CHST3: variants seen among roughly 807,000 people sequenced by gnomAD.
CHST3 encodes C6ST-1.
A neutral mutation model predicts 35.4 loss-of-function variants in CHST3; 20 were observed. The ratio of observed to expected loss-of-function variants is 0.57; its 90% CI spans 0.40 to 0.82. CHST3 has a LOEUF of 0.82. CHST3 is among the 40% of genes least tolerant of loss of function. CHST3 has a pLI of 0.00. For synonymous variants in CHST3, 334 were observed against 295.9 expected, an observed-to-expected ratio of 1.13 and a Z score of -1.32; for missense variants, 693 against 670.1, an observed-to-expected ratio of 1.03 and a Z score of -0.38.
intron 1 of CHST3, among the ~76,000 whole-genome samples, chr10:71,986,723 G>GTT (rs1839850529): frequency 1.3e-5 from 2 of 152,012 alleles, no homozygotes; most frequent in Admixed American, 1.3e-4. Flanking sequence ...CCTGGGGCTG[G>GTT]TTCTATAAGA....
At position 72,011,261 on chromosome 10, in the gene CHST3, A is replaced by T. The variant is rs1216770188; in HGVS notation, c.*2790A>T. 1 of 152,170 alleles carries T rather than the reference A, an allele frequency of 6.6e-6. No individual in the cohort carries two copies. The highest frequency in any genetic ancestry group is 1.5e-5 in the Non-Finnish European group (1 of 68,042). The allele number at this position is 152,170 out of a possible 1,614,324, so 9.4% of individuals were successfully genotyped here. A position where few individuals can be genotyped will look rare whatever the true frequency, so the allele number is the denominator to read the frequency against. On this transcript the variant is annotated 3_prime_UTR_variant, in exon 3 of 3. Transcript: ENST00000373115. ...TTGGTTTCTCTCTTGTTGATCTGAG[A>T]TGCTACATCAGGGCCCTTGCTGCTG...
At position 72,001,978 on chromosome 10, in the gene CHST3, TG is replaced by T. The variant is rs1394472822; in HGVS notation, c.-107-3754del. ...GGCCTCCTGCATGGTGAGTTCTGCG[TG>T]GGGCTTTGCTGAGTAACCCCCATCC... On this transcript the variant is annotated intron_variant, in intron 1 of 2. Coordinates refer to ENST00000373115, the MANE Select transcript of CHST3 (RefSeq NM_004273.5). Among the ~76,000 whole-genome samples, 4 of 152,320 alleles carry T rather than the reference TG, an allele frequency of 2.6e-5. No homozygotes were observed. In the East Asian group the frequency reaches 7.7e-4, roughly 29 times the overall value.
rs1389580386 is a variant in CHST3, at chr10:72,010,350, G to A, written c.*1879G>A. 2 of 152,192 alleles carry A rather than the reference G, an allele frequency of 1.3e-5. No individual in the cohort carries two copies. The highest frequency in any genetic ancestry group is 6.5e-5 in the Admixed American group (1 of 15,268). The allele number at this position is 152,192 out of a possible 1,614,324, so 9.4% of individuals were successfully genotyped here. On this transcript the variant is annotated 3_prime_UTR_variant, in exon 3 of 3. Coordinates refer to ENST00000373115, the MANE Select transcript of CHST3 (RefSeq NM_004273.5). ...CCTGGACAATTTCTCTGTCAGATAC[G>A]GCCCATTGTAAACCCAGAGGGCTGC...
chr10:71,983,244 T>C (rs1204543560), intron 1 of CHST3, among the ~76,000 whole-genome samples: 2 of 152,196 alleles, frequency 1.3e-5, no homozygotes, highest in Non-Finnish European at 2.9e-5. Flanking sequence ...TGCTCAGTCT[T>C]TGAGATCTGA....
chr10:71,974,305 G>A (rs1302132795), intron 1 of CHST3, among the ~76,000 whole-genome samples: 1 of 152,182 alleles, frequency 6.6e-6, no homozygotes, highest in African/African-American at 2.4e-5. Flanking sequence ...ACCCGGCAAG[G>A]TTGTTAGCAA....
intron 1 of CHST3, among the ~76,000 whole-genome samples, chr10:71,984,271 C>T (rs1335424485): frequency 6.6e-6 from 1 of 152,246 alleles, no homozygotes; most frequent in African/African-American, 2.4e-5. Context: ...GATCTGCCCG[C>T]CTCAGCCTCC....
At position 71,964,939 on chromosome 10, in the gene CHST3, C is replaced by T. The variant is rs138270690; in HGVS notation, c.-108+245C>T. On this transcript the variant is annotated intron_variant, in intron 1 of 2. Transcript: ENST00000373115. ...ATCGCCACTCATACCCCGCACACGG[C>T]GCAGGCTGATCTGCGCACACCCACA... Among the ~76,000 whole-genome samples, 341 of 152,362 alleles carry T rather than the reference C, an allele frequency of 2.2e-3. 1 individual carries two copies. The highest frequency in any genetic ancestry group is 7.9e-3 in the African/African-American group (329 of 41,594).
At chr10:71,994,139 C>T (rs1244397184) in intron 1 of CHST3, among the ~76,000 whole-genome samples, 2 of 151,874 alleles carry the variant, frequency 1.3e-5, no homozygotes, top group African/African-American at 4.8e-5. Context: ...ATACCATGCA[C>T]CTGTAGTCCC....
At chr10:72,006,014 CTTTCA>C (rs771874866) in intron 2 of CHST3, 32 bp downstream of exon 2, 3 of 1,390,372 alleles carry the variant, frequency 2.2e-6, no homozygotes, top group Non-Finnish European at 3.0e-6. Flanking sequence ...CTTCATCTTC[CTTTCA>C]AGGTGGGGTG....
chr10:71,972,729 G>A (rs1239164910), intron 1 of CHST3, among the ~76,000 whole-genome samples: 1 of 152,220 alleles, frequency 6.6e-6, no homozygotes, highest in Non-Finnish European at 1.5e-5. Flanking sequence ...GGTATCCCAT[G>A]TTCCAAATTG....
At chr10:71,998,648 G>A (rs1173658592) in intron 1 of CHST3, among the ~76,000 whole-genome samples, 2 of 152,200 alleles carry the variant, frequency 1.3e-5, no homozygotes, top group Non-Finnish European at 2.9e-5. Context: ...AGAGTCTGTG[G>A]CAGCCCCACC....
intron 1 of CHST3, among the ~76,000 whole-genome samples, chr10:71,993,176 C>T (rs769075726): frequency 6.6e-6 from 1 of 152,098 alleles, no homozygotes; most frequent in Non-Finnish European, 1.5e-5. Context: ...CAGTGTGGCC[C>T]AGGAAAGCTA....
At chr10:71,989,575 G>C (rs565623918) in intron 1 of CHST3, among the ~76,000 whole-genome samples, 4 of 152,304 alleles carry the variant, frequency 2.6e-5, no homozygotes, top group African/African-American at 4.8e-5. Context: ...AATATTAAGC[G>C]CTAACTGTGT....
At chr10:71,987,608 C>T (rs897197629) in intron 1 of CHST3, among the ~76,000 whole-genome samples, 2 of 148,488 alleles carry the variant, frequency 1.3e-5, no homozygotes, top group African/African-American at 5.0e-5. Context: ...CCCAACTACT[C>T]GGGAGGCTGA....
rs1479396772 is a variant in CHST3 at position 72,010,437 on chromosome 10, G to A, written c.*1966G>A. On this transcript the variant is annotated 3_prime_UTR_variant, in exon 3 of 3. Transcript: ENST00000373115. ...AGGATCTGAGTCCAACATTGCCATG[G>A]GGGAGGGAAGAGTGTGTCCTGGCAG... 6.6e-6 allele frequency: 1 copy of A among 152,136 alleles called. No individual in the cohort carries two copies. Among genetic ancestry groups the A allele is most frequent in the Non-Finnish European group, 1.5e-5 (1 of 68,062 alleles). 9.4% of individuals were successfully genotyped at this position (152,136 alleles called of 1,614,324 possible).
chr10:71,998,570 C>A (rs189764573), intron 1 of CHST3, among the ~76,000 whole-genome samples: 272 of 152,350 alleles, frequency 1.8e-3, no homozygotes, highest in Non-Finnish European at 3.2e-3. Flanking sequence ...AAAGTGTGCT[C>A]CCCCACAGCC....
intron 1 of CHST3, among the ~76,000 whole-genome samples, chr10:71,971,892 C>T (rs1471055946): frequency 1.3e-5 from 2 of 152,206 alleles, no homozygotes; most frequent in Admixed American, 6.5e-5. Flanking sequence ...AGCAGTGTCA[C>T]CCACCAGAGG....
intron 1 of CHST3, among the ~76,000 whole-genome samples, chr10:71,999,880 T>C (rs1046416901): frequency 6.6e-6 from 1 of 152,222 alleles, no homozygotes; most frequent in Non-Finnish European, 1.5e-5. Flanking sequence ...GCCCCCTTTT[T>C]CCACAGCGTT....
chr10:71,985,618 G>T lies in CHST3; in HGVS notation c.-107-20118G>T, dbSNP rs951754520. 3.9e-5 allele frequency among the ~76,000 whole-genome samples: 6 copies of T among 152,306 alleles called. No individual in the cohort carries two copies. In the East Asian group the frequency reaches 1.2e-3, roughly 29 times the overall value. On this transcript the variant is annotated intron_variant, in intron 1 of 2. Transcript: ENST00000373115. ...CCCACCTCTACTTCCAACTTGCAAA[G>T]ATCTCTTGAAACCCTGCCTCCTGTT...
Sources: allele counts gnomAD v4.1 joint callset (sites outside exome capture counted in the v4.1 genomes callset), GRCh38; gene constraint gnomAD v4.1.1; transcripts MANE v1.5; gene names NCBI Gene and HGNC (gene_info 2026-07-23, HGNC 2026-07-21).